The following ALPL variants were observed in gnomAD, a reference collection of about 807,000 sequenced individuals.
ALPL encodes alkaline phosphatase, tissue-nonspecific isozyme.
ALPL carries 42 observed loss-of-function variants against 51.3 expected under a neutral mutation model. The ratio of observed to expected loss-of-function variants is 0.82; its 90% CI spans 0.64 to 1.06. ALPL has a LOEUF of 1.06. ALPL is among the 50% of genes least tolerant of loss of function. The pLI, the probability that ALPL is intolerant of heterozygous loss-of-function variation, is 0.00. For missense variants in ALPL, 589 were observed against 709.4 expected (o/e 0.83, Z 1.93); for synonymous variants, 279 against 296.4 (o/e 0.94, Z 0.60).
Position 21,577,439 on chromosome 1 carries a change from G to A in ALPL, c.1366G>A (p.Gly456Arg), listed in dbSNP as rs121918016. 6.2e-7 allele frequency: 1 copy of A among 1,612,420 alleles called. No homozygotes were observed. Among genetic ancestry groups the A allele is most frequent in the Non-Finnish European group, 8.5e-7 (1 of 1,179,956 alleles). ...GCCCCTGCGCCACGAGACCCACGGC[G>A]GGGAGGACGTGGCCGTCTTCTCCAA... The part of the protein sequence containing the change: ...AVPLRHETHG[G>R]EDVAVFSKGP... Residue 456 changes from glycine to arginine, a missense_variant, in exon 12 of 12, where the codon GGG becomes AGG. Coordinates refer to ENST00000374840, the MANE Select transcript of ALPL (RefSeq NM_000478.6).
Position 21,568,515 on chromosome 1 carries a change from C to T in ALPL, c.792+268C>T, listed in dbSNP as rs1256331. On this transcript the variant is annotated intron_variant, in intron 7 of 11. Transcript: ENST00000374840. ...TGCGTGGACATTGAGTCACCCTGAGCACCTATTGTATGTAGGCACCTGGCG... is the reference window on the plus strand; with the variant it reads ...TGCGTGGACATTGAGTCACCCTGAGTACCTATTGTATGTAGGCACCTGGCG... Among the ~76,000 whole-genome samples, 24,078 of 152,058 alleles carry T rather than the reference C, an allele frequency of 0.16. 2,498 individuals carry two copies. The highest frequency in any genetic ancestry group is 0.24 in the Non-Finnish European group (16,196 of 67,952).
chr1:21,511,248 G>A (rs139955542), intron 1 of ALPL, among the ~76,000 whole-genome samples: 71 of 152,236 alleles, frequency 4.7e-4, no homozygotes, highest in Admixed American at 4.6e-3. Context: ...CATAAGGAAG[G>A]AGATTAAGAC....
chr1:21,516,828 G>A (rs527599919), intron 1 of ALPL, among the ~76,000 whole-genome samples: 1 of 152,244 alleles, frequency 6.6e-6, no homozygotes, highest in Admixed American at 6.5e-5. Context: ...TGAAAATGCT[G>A]TTTTTTTGCT....
intron 1 of ALPL, among the ~76,000 whole-genome samples, chr1:21,551,818 C>CTG (rs1644327955): frequency 6.7e-6 from 1 of 150,278 alleles, no homozygotes; most frequent in African/African-American, 2.5e-5. Flanking sequence ...CTCCGCCTCC[C>CTG]GGGTTCACGC....
intron 1 of ALPL, among the ~76,000 whole-genome samples, chr1:21,543,410 C>T (rs902023264): frequency 2.6e-5 from 4 of 151,966 alleles, no homozygotes; most frequent in African/African-American, 9.7e-5. Context: ...CACAAATATA[C>T]ACACGTTTAA....
At chr1:21,527,351 A>C (rs1408482121) in intron 1 of ALPL, among the ~76,000 whole-genome samples, 3 of 151,678 alleles carry the variant, frequency 2.0e-5, no homozygotes, top group Non-Finnish European at 4.4e-5. Flanking sequence ...CTTTTCTTTG[A>C]ACTTGAATTT....
At chr1:21,559,082 C>T (rs76132187) in intron 2 of ALPL, among the ~76,000 whole-genome samples, 3,139 of 152,252 alleles carry the variant, frequency 0.021, 52 homozygotes, top group Non-Finnish European at 0.03. Flanking sequence ...GCCAGGCACG[C>T]GTCGGAGCTG....
At position 21,509,444 on chromosome 1, in the gene ALPL, T is replaced by G. The variant is rs934904956; in HGVS notation, c.-178T>G. ...CCGGGCCGCGTTGCGCTCCCGCCAC[T>G]CCGCGCCCGCTATCCTGGCTCCGTG... On this transcript the variant is annotated 5_prime_UTR_variant, in exon 1 of 12. Coordinates refer to ENST00000374840, the MANE Select transcript of ALPL (RefSeq NM_000478.6). This position sits in a 1 kb window ranked among gnomAD's most constrained non-coding sequence, Gnocchi z 6.0. The G allele has an allele frequency of 6.6e-6, 1 of 151,898 alleles. No homozygotes were observed. Among genetic ancestry groups the G allele is most frequent in the African/African-American group, 2.4e-5 (1 of 41,388 alleles). The allele number at this position is 151,898 out of a possible 1,614,324, so 9.4% of individuals were successfully genotyped here.
chr1:21,519,391 T>C (rs1643861855), intron 1 of ALPL, among the ~76,000 whole-genome samples: 1 of 152,196 alleles, frequency 6.6e-6, no homozygotes, highest in Non-Finnish European at 1.5e-5. Flanking sequence ...CATTTCTCAT[T>C]GATGAGTGCG....
chr1:21,577,115 T>C (rs1300452152), intron 11 of ALPL, among the ~76,000 whole-genome samples: 1 of 151,898 alleles, frequency 6.6e-6, no homozygotes, highest in Non-Finnish European at 1.5e-5. Flanking sequence ...ATGGTAAGAG[T>C]CTCCCCGTCA....
At chr1:21,524,752 A>T (rs1393782896) in intron 1 of ALPL, among the ~76,000 whole-genome samples, 1 of 152,180 alleles carries the variant, frequency 6.6e-6, no homozygotes, top group Non-Finnish European at 1.5e-5. Context: ...AAATAGCAGG[A>T]ACAGACTGTG....
chr1:21,561,101 G>A lies in ALPL; in HGVS notation c.186G>A (p.Met62Ile), dbSNP rs2148152244. The A allele has an allele frequency of 6.2e-7, 1 of 1,608,586 alleles. No homozygotes were observed. The highest frequency in any genetic ancestry group is 8.5e-7 in the Non-Finnish European group (1 of 1,177,738). ...GGCCCCCACTCCCCACTGCAGGGAT[G>A]GGTGTCTCCACAGTGACGGCTGCCC... Reference protein sequence around the residue: ...KNVIMFLGDGMGVSTVTAARI... With the variant: ...KNVIMFLGDGIGVSTVTAARI... Residue 62 changes from methionine to isoleucine, a missense_variant, in exon 4 of 12, where the codon ATG (methionine) becomes ATA (isoleucine). By Grantham distance (10) the Met-to-Ile change is conservative. Transcript: ENST00000374840.
chr1:21,558,263 G>A (rs1302791324), intron 2 of ALPL, among the ~76,000 whole-genome samples: 1 of 152,228 alleles, frequency 6.6e-6, no homozygotes, highest in Non-Finnish European at 1.5e-5. Context: ...AGGGCAACAG[G>A]TGTGGGGCGG....
intron 9 of ALPL, among the ~76,000 whole-genome samples, chr1:21,575,104 G>GC (rs1409345659): frequency 1.3e-5 from 2 of 152,226 alleles, no homozygotes; most frequent in Admixed American, 1.3e-4. Context: ...CCTGCCACAG[G>GC]CACTGCCCAG....
In ALPL at chr1:21,577,718, A is replaced by T; in HGVS notation, c.*70A>T. On this transcript the variant is annotated 3_prime_UTR_variant, in exon 12 of 12. Coordinates refer to ENST00000374840, the MANE Select transcript of ALPL (RefSeq NM_000478.6). ...TTCCCACACGGCAGCCCCCCCCTCA[A>T]GGGGCAGGGAGGTGGGGGCCTCCTC... 6.5e-7 allele frequency: 1 copy of T among 1,533,112 alleles called. No homozygotes were observed. Among genetic ancestry groups the T allele is most frequent in the South Asian group, 1.2e-5 (1 of 84,598 alleles). The allele number at this position is 1,533,112 out of a possible 1,614,324, so 95.0% of individuals were successfully genotyped here.
At chr1:21,543,002 A>T (rs553501481) in intron 1 of ALPL, among the ~76,000 whole-genome samples, 2 of 152,028 alleles carry the variant, frequency 1.3e-5, no homozygotes, top group East Asian at 3.9e-4. Context: ...AAAAATGTAA[A>T]CATTAACCAA....
chr1:21,571,999 A>AG (rs1217295496), intron 8 of ALPL, among the ~76,000 whole-genome samples: 1 of 151,936 alleles, frequency 6.6e-6, no homozygotes, highest in Non-Finnish European at 1.5e-5. Flanking sequence ...TCTTAAAAAA[A>AG]AGAAAGAAAG....
intron 2 of ALPL, among the ~76,000 whole-genome samples, chr1:21,554,379 A>AAT (rs1189070730): frequency 2.0e-5 from 3 of 148,256 alleles, no homozygotes; most frequent in Non-Finnish European, 3.0e-5. Flanking sequence ...ATACAAGGAA[A>AAT]ATATATATAT....
At chr1:21,551,911 G>A (rs1644329919) in intron 1 of ALPL, among the ~76,000 whole-genome samples, 1 of 151,124 alleles carries the variant, frequency 6.6e-6, no homozygotes, top group African/African-American at 2.4e-5. Flanking sequence ...ATTTTTAGTA[G>A]AGACGGGGTT....
Sources: gnomAD v4.1 joint callset for allele counts (sites outside exome capture counted in the v4.1 genomes callset) on GRCh38, gnomAD v4.1.1 for gene constraint, Gnocchi (gnomAD v3.1) non-coding constraint, MANE v1.5 for transcripts, NCBI Gene and HGNC (gene_info 2026-07-23, HGNC 2026-07-21) for gene names.